Variants in PCGF5 observed in about 807,000 individuals in gnomAD.
PCGF5 encodes polycomb group ring finger 5.
A neutral mutation model predicts 44.3 loss-of-function variants in PCGF5; 9 were observed. The ratio of observed to expected loss-of-function variants is 0.20; its 90% confidence interval spans 0.12 to 0.35. The LOEUF is 0.35. Among genes scored for constraint, PCGF5 ranks in the 10% least tolerant of loss-of-function variants. The pLI is 1.00. For synonymous variants in PCGF5, 95 were observed against 102.5 expected, an observed-to-expected ratio of 0.93 and a Z score of 0.44; for missense variants, 146 against 305.3, an observed-to-expected ratio of 0.48 and a Z score of 3.89.
At chr10:91,253,848 A>G (rs1475071286) in intron 6 of PCGF5, among the ~76,000 whole-genome samples, 1 of 152,120 alleles carries the variant, frequency 6.6e-6, no homozygotes, top group East Asian at 1.9e-4. Context: ...TCTGTAGGCC[A>G]TATGGTCTCT....
intron 1 of PCGF5, among the ~76,000 whole-genome samples, chr10:91,175,968 T>G (rs1589350264): frequency 1.3e-5 from 2 of 152,332 alleles, no homozygotes; most frequent in Middle Eastern, 3.4e-3. Flanking sequence ...GTTAGCTGGT[T>G]ATTTTGCTCG....
intron 1 of PCGF5, among the ~76,000 whole-genome samples, chr10:91,213,930 A>C (rs1844497381): frequency 6.6e-6 from 1 of 152,114 alleles, no homozygotes; most frequent in Non-Finnish European, 1.5e-5. Context: ...TGTGAATATG[A>C]CCTTATTTGG....
chr10:91,257,413 C>T (rs1212396385), intron 6 of PCGF5, among the ~76,000 whole-genome samples: 3 of 152,076 alleles, frequency 2.0e-5, no homozygotes, highest in Non-Finnish European at 4.4e-5. Context: ...AAAGAGTTGA[C>T]GTGGTAATTC....
chr10:91,228,520 A>G (rs1844910900), intron 2 of PCGF5, among the ~76,000 whole-genome samples: 1 of 152,188 alleles, frequency 6.6e-6, no homozygotes, highest in Admixed American at 6.5e-5. Flanking sequence ...ACATTGTTAT[A>G]CTAATTTTTT....
chr10:91,256,940 A>G (rs566005838), intron 6 of PCGF5, among the ~76,000 whole-genome samples: 1 of 152,242 alleles, frequency 6.6e-6, no homozygotes, highest in East Asian at 1.9e-4. Context: ...ACAAGCAACA[A>G]AAGAAAAGAA....
chr10:91,264,332 G>C, intron 7 of PCGF5, 99 bp from the exon 8 acceptor site: 2 of 902,466 alleles, frequency 2.2e-6, no homozygotes, highest in East Asian at 2.6e-5. Flanking sequence ...TAATACTTTT[G>C]TTCCAACTAT....
chr10:91,186,143 C>G, intron 1 of PCGF5, among the ~76,000 whole-genome samples: 1 of 152,192 alleles, frequency 6.6e-6, no homozygotes, highest in East Asian at 1.9e-4. Flanking sequence ...AACTTAAAAT[C>G]ATTTTGGTAT....
chr10:91,210,227 C>T (rs1050061245), intron 1 of PCGF5, among the ~76,000 whole-genome samples: 14 of 152,182 alleles, frequency 9.2e-5, no homozygotes, highest in Admixed American at 9.2e-4. Context: ...TGCTTGAGAT[C>T]CTTTTTCTGC....
chr10:91,226,660 C>T (rs1844848805), intron 2 of PCGF5, among the ~76,000 whole-genome samples: 2 of 152,100 alleles, frequency 1.3e-5, no homozygotes, highest in Admixed American at 1.3e-4. Flanking sequence ...CTGGATCCAG[C>T]ACTGCTGGGC....
intron 9 of PCGF5, among the ~76,000 whole-genome samples, chr10:91,275,128 G>A (rs1393282217): frequency 6.6e-6 from 1 of 152,044 alleles, no homozygotes; most frequent in Admixed American, 6.6e-5. Context: ...TATTTGCAAT[G>A]TATGATAGAA....
At chr10:91,163,928 G>T (rs1351623341) in intron 1 of PCGF5, among the ~76,000 whole-genome samples, 7 of 152,112 alleles carry the variant, frequency 4.6e-5, no homozygotes, top group Non-Finnish European at 1.0e-4. Context: ...CTATTTTTTC[G>T]CTGCCACCTC....
intron 1 of PCGF5, among the ~76,000 whole-genome samples, chr10:91,195,743 A>AT (rs1008648984): frequency 6.6e-6 from 1 of 151,328 alleles, no homozygotes; most frequent in Admixed American, 6.6e-5. Flanking sequence ...CCTAAATCAT[A>AT]TTTTTTTTAA....
At chr10:91,178,677 C>T (rs568597933) in intron 1 of PCGF5, among the ~76,000 whole-genome samples, 3 of 152,216 alleles carry the variant, frequency 2.0e-5, no homozygotes, top group African/African-American at 7.2e-5. Flanking sequence ...GTGTGAGCCC[C>T]TGCACCTGGC....
At chr10:91,260,653 C>G (rs1180610939) in intron 6 of PCGF5, among the ~76,000 whole-genome samples, 1 of 152,126 alleles carries the variant, frequency 6.6e-6, no homozygotes, top group Non-Finnish European at 1.5e-5. Flanking sequence ...TGTTCGTGTC[C>G]TTTGTAGGGA....
chr10:91,222,298 G>A (rs1844704907), intron 1 of PCGF5, among the ~76,000 whole-genome samples: 1 of 152,124 alleles, frequency 6.6e-6, no homozygotes, highest in South Asian at 2.1e-4. Context: ...CTGGATGAAG[G>A]GTTAAAAATG....
intron 9 of PCGF5, among the ~76,000 whole-genome samples, chr10:91,273,922 G>A (rs1287954044): frequency 1.3e-5 from 2 of 151,198 alleles, no homozygotes; most frequent in Non-Finnish European, 3.0e-5. Flanking sequence ...CTGAAAAGGT[G>A]TTTGATAAAA....
chr10:91,224,152 C>G (rs1009779441), intron 2 of PCGF5, among the ~76,000 whole-genome samples: 1 of 152,172 alleles, frequency 6.6e-6, no homozygotes, highest in African/African-American at 2.4e-5. Flanking sequence ...TTTAAGCATA[C>G]GCATGCTCAG....
chr10:91,161,007 C>T (rs897832397), upstream of PCGF5, among the ~76,000 whole-genome samples: 1 of 152,220 alleles, frequency 6.6e-6, no homozygotes, highest in African/African-American at 2.4e-5. Flanking sequence ...GCTTCTCCTG[C>T]TTTCCACCAC....
chr10:91,249,404 T>C (rs1264255039), intron 5 of PCGF5, among the ~76,000 whole-genome samples: 3 of 129,576 alleles, frequency 2.3e-5, no homozygotes, highest in African/African-American at 5.9e-5. Flanking sequence ...TATATATATA[T>C]ATATATATAT....
Sources: allele counts gnomAD v4.1 joint callset (sites outside exome capture counted in the v4.1 genomes callset), GRCh38; gene constraint gnomAD v4.1.1; transcripts MANE v1.5; gene names NCBI Gene and HGNC (gene_info 2026-07-23, HGNC 2026-07-21).